The following KCNQ1OT1 variants were observed in gnomAD, a reference collection of about 807,000 sequenced individuals.
KCNQ1OT1 encodes the protein KCNQ1 antisense RNA 2 (non-protein coding).
exon 1 of KCNQ1OT1, chr11:2,610,068 G>A: frequency 2.5e-6 from 1 of 397,604 alleles, no homozygotes; most frequent in Non-Finnish European, 4.4e-6. Context: ...TCTTTTCTAT[G>A]TACTATTTCT....
exon 1 of KCNQ1OT1, chr11:2,640,587 CATA>C (rs1849558292): frequency 2.5e-6 from 1 of 392,836 alleles, no homozygotes; most frequent in Non-Finnish European, 4.4e-6. Flanking sequence ...TTGACCGATA[CATA>C]ATACTTATGG....
At chr11:2,639,639 A>T (rs2133827271) in exon 1 of KCNQ1OT1, 1 of 152,554 alleles carries the variant, frequency 6.6e-6, no homozygotes, top group South Asian at 2.1e-4. Context: ...AGTGCCTCCC[A>T]GTTAGGCTAC....
rs534354589 is a variant in KCNQ1OT1 at position 2,625,577 on chromosome 11, C to T, written n.74418G>A. On this transcript the variant is annotated non_coding_transcript_exon_variant, in exon 1 of 1. Transcript: ENST00000597346. ...AGATACGTCTGTCCAAGTCCTTTGC[C>T]CTTTTTTTTTTTTTTTTGAGATGGA... is the stretch of plus-strand genomic sequence containing the variant. 4.8e-4 allele frequency: 171 copies of T among 352,924 alleles called. No homozygotes were observed. The East Asian group carries it at 6.3e-3, about 13-fold the overall frequency. The allele number at this position is 352,924 out of a possible 1,614,324, so 21.9% of individuals were successfully genotyped here.
chr11:2,698,545 T>C lies in KCNQ1OT1; in HGVS notation n.1450A>G. 1 of 398,104 alleles carries C rather than the reference T, an allele frequency of 2.5e-6. No homozygotes were observed. The highest frequency in any genetic ancestry group is 4.4e-6 in the Non-Finnish European group (1 of 225,984). 24.7% of individuals were successfully genotyped at this position (398,104 alleles called of 1,614,324 possible). ...CCACCCCCAACTCAGACTGCAACCT[T>C]TACTTCGCCCCCTAATTCCTGACTC... On this transcript the variant is annotated non_coding_transcript_exon_variant, in exon 1 of 1. Coordinates refer to ENST00000597346, the Ensembl canonical transcript of KCNQ1OT1. The surrounding 1 kb of genome is among the most constrained non-coding windows in gnomAD (Gnocchi z 5.1).
chr11:2,663,422 C>A lies in KCNQ1OT1; in HGVS notation n.36573G>T. The A allele has an allele frequency of 2.5e-6, 1 of 398,824 alleles. No individual in the cohort carries two copies. Among genetic ancestry groups the A allele is most frequent in the Non-Finnish European group, 4.4e-6 (1 of 226,232 alleles). The allele number at this position is 398,824 out of a possible 1,614,324, so 24.7% of individuals were successfully genotyped here. A position where few individuals can be genotyped will look rare whatever the true frequency, so the allele number is the denominator to read the frequency against. ...GCTTACACTGTGGCCAAGGCCTGTA[C>A]CAAGTCCTGGATATGATGGACCTCC... On this transcript the variant is annotated non_coding_transcript_exon_variant, in exon 1 of 1. Coordinates refer to ENST00000597346, the Ensembl canonical transcript of KCNQ1OT1. This position sits in a 1 kb window ranked among gnomAD's most constrained non-coding sequence, Gnocchi z 5.2.
exon 1 of KCNQ1OT1, chr11:2,699,816 A>G: frequency 1.3e-5 from 5 of 391,450 alleles, no homozygotes; most frequent in Non-Finnish European, 1.8e-5. Context: ...GAGAACCACG[A>G]TGACTGACGC....
chr11:2,681,375 T>C (rs144341189), exon 1 of KCNQ1OT1: 124 of 398,502 alleles, frequency 3.1e-4, no homozygotes, highest in Non-Finnish European at 5.0e-4. Context: ...ATGTGGAGGA[T>C]GGCTCTTGGG....
chr11:2,666,041 T>C (rs2133861998), exon 1 of KCNQ1OT1: 1 of 398,626 alleles, frequency 2.5e-6, no homozygotes, highest in Non-Finnish European at 4.4e-6. Flanking sequence ...ATACCTGAGA[T>C]AGACGGCCCA....
exon 1 of KCNQ1OT1, chr11:2,686,995 T>C: frequency 2.5e-6 from 1 of 398,632 alleles, no homozygotes; most frequent in African/African-American, 2.1e-5. Context: ...GGGCCCTGAC[T>C]TGCTAAGATG....
At chr11:2,614,877 C>T (rs1849036656) in exon 1 of KCNQ1OT1, 1 of 398,272 alleles carries the variant, frequency 2.5e-6, no homozygotes, top group East Asian at 3.6e-5. Context: ...GTTTGGGGCC[C>T]TGGGAAAATT....
rs1850296750 is a variant in KCNQ1OT1 at position 2,676,479 on chromosome 11, C to G, written n.23516G>C. ...GCTCAGATTGTTAGCTGTAGTCTTT[C>G]TGGCATCAGTTCCATTTCTGGTGAA... On this transcript the variant is annotated non_coding_transcript_exon_variant, in exon 1 of 1. Coordinates refer to ENST00000597346, the Ensembl canonical transcript of KCNQ1OT1. This position sits in a 1 kb window ranked among gnomAD's most constrained non-coding sequence, Gnocchi z 4.2. The G allele has an allele frequency of 2.5e-6, 1 of 398,548 alleles. No homozygotes were observed. The highest frequency in any genetic ancestry group is 2.1e-5 in the African/African-American group (1 of 48,636). The allele number at this position is 398,548 out of a possible 1,614,324, so 24.7% of individuals were successfully genotyped here. A position where few individuals can be genotyped will look rare whatever the true frequency, so the allele number is the denominator to read the frequency against.
At chr11:2,696,736 A>G (rs1850682867) in exon 1 of KCNQ1OT1, 1 of 398,464 alleles carries the variant, frequency 2.5e-6, no homozygotes, top group African/African-American at 2.1e-5. Flanking sequence ...ATATCCTCCA[A>G]TAGAGTTTTA....
At chr11:2,619,872 T>G (rs2133802292) in exon 1 of KCNQ1OT1, 1 of 398,558 alleles carries the variant, frequency 2.5e-6, no homozygotes, top group Non-Finnish European at 4.4e-6. Flanking sequence ...CTTTTATTTT[T>G]GATTTAGAGG....
At chr11:2,680,928 T>C (rs1196428066) in exon 1 of KCNQ1OT1, 3 of 398,506 alleles carry the variant, frequency 7.5e-6, no homozygotes, top group African/African-American at 6.2e-5. Context: ...TGGGTTTGTA[T>C]TTTTAAAGCT....
At chr11:2,685,407 G>C (rs773730043) in exon 1 of KCNQ1OT1, 32 of 398,502 alleles carry the variant, frequency 8.0e-5, no homozygotes, top group Non-Finnish European at 1.4e-4. Context: ...GTTTCCATGG[G>C]TCTCCTTCAC....
chr11:2,619,901 A>G lies in KCNQ1OT1; in HGVS notation n.80094T>C, dbSNP rs191008598. 144 of 398,168 alleles carry G rather than the reference A, an allele frequency of 3.6e-4. 1 individual carries two copies. The highest frequency in any genetic ancestry group is 2.8e-3 in the African/African-American group (137 of 48,602). The allele number at this position is 398,168 out of a possible 1,614,324, so 24.7% of individuals were successfully genotyped here. The stretch of plus-strand genomic sequence containing the variant: ...TTAGAGGGTATATGTACAGGTCTAT[A>G]TGTTGCATGGTATATGGAGTATACT... On this transcript the variant is annotated non_coding_transcript_exon_variant, in exon 1 of 1. Transcript: ENST00000597346.
exon 1 of KCNQ1OT1, chr11:2,610,922 A>G (rs1848971109): frequency 5.0e-6 from 2 of 398,384 alleles, no homozygotes; most frequent in East Asian, 7.1e-5. Context: ...TAATAGTTCA[A>G]TAACTCACTC....
At chr11:2,684,731 T>C in exon 1 of KCNQ1OT1, 1 of 398,562 alleles carries the variant, frequency 2.5e-6, no homozygotes, top group East Asian at 3.6e-5. Flanking sequence ...GAACCCAGGG[T>C]AGGTCTGCCT....
exon 1 of KCNQ1OT1, chr11:2,688,099 C>T: frequency 2.5e-6 from 1 of 398,916 alleles, no homozygotes; most frequent in Non-Finnish European, 4.4e-6. Flanking sequence ...TGGAGTCAGG[C>T]AGGGGACCTG....
Sources: allele counts gnomAD v4.1 joint callset, GRCh38; gene constraint gnomAD v4.1.1; non-coding constraint Gnocchi (gnomAD v3.1); transcripts MANE v1.5; gene names NCBI Gene and HGNC (gene_info 2026-07-23, HGNC 2026-07-21).